The following RP1 variants were observed in gnomAD, a reference collection of about 807,000 sequenced individuals.
The protein encoded by RP1 is RP1 axonemal microtubule associated.
RP1 carries 16 observed loss-of-function variants against 14.8 expected under a neutral mutation model. The ratio of observed to expected loss-of-function variants is 1.08; its 90% CI spans 0.73 to 1.65. The LOEUF is 1.65. Among genes scored for constraint, RP1 ranks in the 40% most tolerant of loss-of-function variants. RP1 has a pLI of 0.00. For missense variants in RP1, 2,631 were observed against 2,535.0 expected (o/e 1.04, Z -0.81); for synonymous variants, 876 against 883.6 (o/e 0.99, Z 0.15).
At chr8:54,756,264 A>G (rs1209018751) in intron 21 of RP1, among the ~76,000 whole-genome samples, 2 of 152,188 alleles carry the variant, frequency 1.3e-5, no homozygotes, top group African/African-American at 2.4e-5. Flanking sequence ...AAGTCTTTCT[A>G]TATAGTAGAT....
chr8:54,837,921 C>T (rs1373882801), intron 25 of RP1, among the ~76,000 whole-genome samples: 1 of 151,982 alleles, frequency 6.6e-6, no homozygotes, highest in Non-Finnish European at 1.5e-5. Flanking sequence ...ATTGGAGTCT[C>T]ATATAATGTT....
chr8:54,787,534 A>T (rs950743814), intron 24 of RP1, among the ~76,000 whole-genome samples: 1 of 152,150 alleles, frequency 6.6e-6, no homozygotes, highest in African/African-American at 2.4e-5. Context: ...ATCTTATATT[A>T]ATATTATTTA....
chr8:54,774,277 C>A (rs1220965907), downstream of RP1, among the ~76,000 whole-genome samples: 1 of 152,118 alleles, frequency 6.6e-6, no homozygotes, highest in Admixed American at 6.6e-5. Flanking sequence ...CCTGGGCAGG[C>A]CTCAGGAATC....
At chr8:54,847,313 C>T (rs746308615) in intron 25 of RP1, among the ~76,000 whole-genome samples, 1 of 152,118 alleles carries the variant, frequency 6.6e-6, no homozygotes, top group Admixed American at 6.5e-5. Context: ...ACTTTTTGTT[C>T]TAGACCTTAC....
At chr8:54,701,406 T>C (rs1283140866) in intron 13 of RP1, 1 of 1,190,104 alleles carries the variant, frequency 8.4e-7, no homozygotes, top group Non-Finnish European at 1.1e-6. Flanking sequence ...AGTAGACACC[T>C]GTATATGTAT....
chr8:54,662,350 A>G (rs1806918964), intron 6 of RP1, among the ~76,000 whole-genome samples: 1 of 152,118 alleles, frequency 6.6e-6, no homozygotes, highest in South Asian at 2.1e-4. Context: ...TAAAGCCACT[A>G]CAGTTCTTGG....
chr8:54,679,750 T>G, intron 11 of RP1: 1 of 1,527,540 alleles, frequency 6.5e-7, no homozygotes, highest in East Asian at 2.5e-5. Flanking sequence ...TTTCTTCTCT[T>G]TGTTTCTTCT....
intron 3 of RP1, among the ~76,000 whole-genome samples, chr8:54,641,166 C>T (rs967009427): frequency 3.3e-5 from 5 of 152,022 alleles, no homozygotes; most frequent in South Asian, 2.1e-4. Flanking sequence ...AGGATGGTCT[C>T]GATCTCCTGA....
chr8:54,829,593 A>G lies in RP1; in HGVS notation c.3616-7857A>G, dbSNP rs990196993. Among the ~76,000 whole-genome samples, 3 of 152,320 alleles carry G rather than the reference A, an allele frequency of 2.0e-5. No individual in the cohort carries two copies. The South Asian group carries it at 6.2e-4, about 32-fold the overall frequency. On this transcript the variant is annotated intron_variant, in intron 24 of 28. Coordinates refer to the RP1 transcript ENST00000637698. ...TACATAATCAGGGTTCTAGATGAAT[A>G]TAAGGAGGCTCTCTGGATGTTCAGG... is the stretch of plus-strand genomic sequence containing the variant.
intron 25 of RP1, among the ~76,000 whole-genome samples, chr8:54,842,120 C>A (rs547362469): frequency 6.6e-6 from 1 of 152,244 alleles, no homozygotes; most frequent in Non-Finnish European, 1.5e-5. Context: ...TTCTTTAATG[C>A]TTTAGCCTTT....
chr8:54,760,304 C>T (rs1046500681), intron 22 of RP1, among the ~76,000 whole-genome samples: 3 of 152,186 alleles, frequency 2.0e-5, no homozygotes, highest in Non-Finnish European at 2.9e-5. Flanking sequence ...TCATCGCAGT[C>T]GTCTTCCAAT....
chr8:54,621,381 C>T lies in RP1; in HGVS notation c.415C>T (p.Pro139Ser), dbSNP rs776719879. 2.5e-6 allele frequency: 4 copies of T among 1,612,914 alleles called. No individual in the cohort carries two copies. Among genetic ancestry groups the T allele is most frequent in the Non-Finnish European group, 3.4e-6 (4 of 1,179,880 alleles). The change falls in exon 2 of 4, where the codon CCC becomes TCC. Residue 139 changes from proline (P) to serine (S), a missense_variant. Physicochemically the swap from Pro to Ser is moderately conservative, Grantham distance 74 (BLOSUM62 -1). Transcript: ENST00000220676. Reference sequence around the variant, plus strand: ...CCGGGCCATTAGCGCGCACTCACCGCCCCACCCCGTAGCCGTCGCTGCTCC... The same window carrying T: ...CCGGGCCATTAGCGCGCACTCACCGTCCCACCCCGTAGCCGTCGCTGCTCC... Reference protein sequence around the residue: ...SSRAISAHSPPHPVAVAAPGM... With the variant: ...SSRAISAHSPSHPVAVAAPGM...
chr8:54,635,075 C>A (rs192833080), downstream of RP1, among the ~76,000 whole-genome samples: 949 of 148,938 alleles, frequency 6.4e-3, 6 homozygotes, highest in Middle Eastern at 0.021. Context: ...GAGCGAGACT[C>A]CATCTCAAAA....
At chr8:54,791,251 T>C (rs1236080637) in intron 24 of RP1, among the ~76,000 whole-genome samples, 1 of 152,068 alleles carries the variant, frequency 6.6e-6, no homozygotes, top group African/African-American at 2.4e-5. Context: ...CCCACCAAAC[T>C]TGTCCTTCAG....
Position 54,683,149 on chromosome 8 carries a change from T to C in RP1, c.1717+3216T>C, listed in dbSNP as rs368580528. ...TTTCTGAGGCCTCTGTTCTGTTCCATTGGTCTATATATATCTGTTTTGGTA... is the reference window on the plus strand; with the variant it reads ...TTTCTGAGGCCTCTGTTCTGTTCCACTGGTCTATATATATCTGTTTTGGTA... On this transcript the variant is annotated intron_variant, in intron 12 of 22. Coordinates refer to the RP1 transcript ENST00000636932. Among the ~76,000 whole-genome samples the C allele has an allele frequency of 2.0e-3, 311 of 152,260 alleles. 3 individuals carry two copies. Among genetic ancestry groups the C allele is most frequent in the African/African-American group, 7.2e-3 (300 of 41,558 alleles).
intron 7 of RP1, among the ~76,000 whole-genome samples, chr8:54,671,587 T>A (rs1400846095): frequency 6.6e-6 from 1 of 152,140 alleles, no homozygotes; most frequent in East Asian, 1.9e-4. Flanking sequence ...GAAAGCTGAT[T>A]CTTCTGCCTT....
chr8:54,799,267 A>G (rs2129388198), intron 24 of RP1, among the ~76,000 whole-genome samples: 1 of 152,210 alleles, frequency 6.6e-6, no homozygotes, highest in Non-Finnish European at 1.5e-5. Context: ...TCTCCCAATA[A>G]TCCAAATACA....
At chr8:54,699,095 T>C (rs115871995) in intron 12 of RP1, among the ~76,000 whole-genome samples, 3,399 of 151,140 alleles carry the variant, frequency 0.022, 136 homozygotes, top group African/African-American at 0.077. Flanking sequence ...TATTATATAA[T>C]ACACATTACA....
chr8:54,568,052 G>A (rs562035404), intron 1 of RP1, among the ~76,000 whole-genome samples: 2 of 152,324 alleles, frequency 1.3e-5, no homozygotes, highest in African/African-American at 4.8e-5. Context: ...CCATTCTGCT[G>A]TGATTGGCTA....
Sources: allele counts gnomAD v4.1 joint callset (sites outside exome capture counted in the v4.1 genomes callset), GRCh38; gene constraint gnomAD v4.1.1; transcripts MANE v1.5; gene names NCBI Gene and HGNC (gene_info 2026-07-23, HGNC 2026-07-21).